The following CYTH3 variants were observed in gnomAD, a reference collection of about 807,000 sequenced individuals.
The protein encoded by CYTH3 is cytohesin-3.
Under a neutral mutation model 55.1 loss-of-function variants are expected in CYTH3, and 23 were observed. The observed-to-expected ratio is 0.42, with a 90% CI of 0.30 to 0.59. The LOEUF (loss-of-function observed/expected upper bound fraction) is 0.59, where lower values mean the gene tolerates loss of function less well. Among genes scored for constraint, CYTH3 ranks in the 20% least tolerant of loss-of-function variants. The probability of loss-of-function intolerance (pLI) is 0.20; values close to 1 mark genes in which losing one functional copy is unlikely to be tolerated. For missense variants in CYTH3, 413 were observed against 524.8 expected (o/e 0.79, Z 2.08); for synonymous variants, 249 against 194.9 (o/e 1.28, Z -2.31).
At chr7:6,174,650 C>T (rs1057474959) in intron 5 of CYTH3, among the ~76,000 whole-genome samples, 8 of 148,772 alleles carry the variant, frequency 5.4e-5, no homozygotes, top group African/African-American at 1.3e-4. Context: ...TGGGTTCAAG[C>T]GATACTCCTG....
At chr7:6,191,558 G>GTA (rs1783804693) in intron 1 of CYTH3, among the ~76,000 whole-genome samples, 2 of 146,624 alleles carry the variant, frequency 1.4e-5, no homozygotes, top group Non-Finnish European at 3.0e-5. Flanking sequence ...AAATACAGGA[G>GTA]AATTTTTTTT....
At chr7:6,177,696 GATGCCCACAGCCCGTGGCTCTATC>G (rs1783385307) in intron 5 of CYTH3, 103 bp downstream of exon 5, 4 of 711,900 alleles carry the variant, frequency 5.6e-6, no homozygotes, top group Non-Finnish European at 9.8e-6. Context: ...CGGGCATGTG[GATGCCCACAGCCCGTGGCTCTATC>G]ATGCCTTTAG....
intron 1 of CYTH3, among the ~76,000 whole-genome samples, chr7:6,193,402 T>C (rs539237638): frequency 2.1e-5 from 3 of 146,066 alleles, no homozygotes; most frequent in Admixed American, 6.8e-5. Context: ...AAAGGAGACA[T>C]CCACTAAAAC....
intron 1 of CYTH3, among the ~76,000 whole-genome samples, chr7:6,264,857 T>G (rs1465721826): frequency 2.6e-5 from 4 of 152,168 alleles, no homozygotes; most frequent in Admixed American, 2.6e-4. Flanking sequence ...AGAACTCACA[T>G]TGTAAGAGAA....
At chr7:6,222,821 TA>T (rs1370536470) in intron 1 of CYTH3, among the ~76,000 whole-genome samples, 4 of 151,850 alleles carry the variant, frequency 2.6e-5, no homozygotes, top group Admixed American at 2.0e-4. Context: ...TACATTATTA[TA>T]AAGTGTTCCA....
intron 1 of CYTH3, among the ~76,000 whole-genome samples, chr7:6,234,151 A>G (rs570119613): frequency 2.7e-4 from 41 of 152,330 alleles, no homozygotes; most frequent in African/African-American, 9.6e-4. Context: ...GAACTGATCA[A>G]CTATCCAGTA....
chr7:6,259,809 A>AT (rs1367094326), intron 1 of CYTH3, among the ~76,000 whole-genome samples: 8 of 26,278 alleles, frequency 3.0e-4, no homozygotes, highest in South Asian at 1.1e-3. Flanking sequence ...ATATATATAT[A>AT]TATAATATAT....
At chr7:6,265,428 T>C (rs982087575) in intron 1 of CYTH3, among the ~76,000 whole-genome samples, 2 of 151,242 alleles carry the variant, frequency 1.3e-5, no homozygotes, top group African/African-American at 2.4e-5. Context: ...CTGGCCAATA[T>C]GGTGAAACCC....
intron 1 of CYTH3, among the ~76,000 whole-genome samples, chr7:6,217,185 A>G (rs1417847591): frequency 6.6e-6 from 1 of 152,210 alleles, no homozygotes; most frequent in Non-Finnish European, 1.5e-5. Context: ...AAGTGCCAAG[A>G]TTACGGGCAT....
At chr7:6,179,735 C>A (rs1473587593) in intron 4 of CYTH3, among the ~76,000 whole-genome samples, 86 of 73,312 alleles carry the variant, frequency 1.2e-3, no homozygotes, top group African/African-American at 5.5e-3. Flanking sequence ...ACACACACAC[C>A]CACCACACAC....
At chr7:6,185,605 C>A (rs1442505661) in intron 4 of CYTH3, among the ~76,000 whole-genome samples, 1 of 151,404 alleles carries the variant, frequency 6.6e-6, no homozygotes, top group Non-Finnish European at 1.5e-5. Flanking sequence ...GAGGCTGAGG[C>A]AGGAGAATGG....
At chr7:6,177,699 G>T (rs754901402) in intron 5 of CYTH3, 124 bp downstream of exon 5, 4 of 716,704 alleles carry the variant, frequency 5.6e-6, no homozygotes, top group Non-Finnish European at 9.7e-6. Flanking sequence ...GCATGTGGAT[G>T]CCCACAGCCC....
At position 6,196,446 on chromosome 7, in the gene CYTH3, TTC is replaced by T. The variant is rs1230751766; in HGVS notation, c.35-5917_35-5916del. Among the ~76,000 whole-genome samples, 13 of 144,474 alleles carry T rather than the reference TTC, an allele frequency of 9.0e-5. No homozygotes were observed. The East Asian group carries it at 2.0e-3, about 23-fold the overall frequency. The allele number at this position is 144,474 out of a possible 152,430, so 94.8% of individuals were successfully genotyped here. A position where few individuals can be genotyped will look rare whatever the true frequency, so the allele number is the denominator to read the frequency against. On this transcript the variant is annotated intron_variant, in intron 1 of 12. Transcript: ENST00000350796. ...TTACGCATCTGAGGGAGCATCTTTT[TTC>T]TTTTTTTCTTTTTTTTTTTTTTTTT...
At chr7:6,201,839 G>A (rs922656347) in intron 1 of CYTH3, among the ~76,000 whole-genome samples, 4 of 152,014 alleles carry the variant, frequency 2.6e-5, no homozygotes, top group African/African-American at 9.7e-5. Flanking sequence ...AAGGAATGGA[G>A]CTCAAAATGC....
Position 6,190,493 on chromosome 7 carries a change from G to A in CYTH3, c.73C>T (p.Leu25=), listed in dbSNP as rs11978706. The A allele has an allele frequency of 1.3e-6, 2 of 1,505,894 alleles. No homozygotes were observed. The highest frequency in any genetic ancestry group is 1.8e-6 in the Non-Finnish European group (2 of 1,134,450). The allele number at this position is 1,505,894 out of a possible 1,614,324, so 93.3% of individuals were successfully genotyped here. A position where few individuals can be genotyped will look rare whatever the true frequency, so the allele number is the denominator to read the frequency against. Residue 25 remains leucine (L), a synonymous_variant, in exon 2 of 13, where the codon CTA becomes TTA. Coordinates refer to ENST00000350796, the MANE Select transcript of CYTH3 (RefSeq NM_004227.4). ...DLSLEEREEL[L]DIRRRKKELI... is the part of the protein sequence containing the mutation. ...TCCTTTTTTCTTCGACGAATGTCTA[G>A]AAGTTCTTCTCTCTCTTCTAATGAG...
At chr7:6,180,598 A>C (rs188928272) in intron 4 of CYTH3, among the ~76,000 whole-genome samples, 1 of 152,232 alleles carries the variant, frequency 6.6e-6, no homozygotes, top group Non-Finnish European at 1.5e-5. Flanking sequence ...GAACTGAGCG[A>C]GAATAGATTT....
intron 1 of CYTH3, among the ~76,000 whole-genome samples, chr7:6,240,532 T>C (rs1417207573): frequency 1.3e-5 from 2 of 152,112 alleles, no homozygotes; most frequent in African/African-American, 4.8e-5. Context: ...AACAGAATAG[T>C]AAATCCAGAA....
Position 6,252,246 on chromosome 7 carries a change from G to A in CYTH3, c.34+20228C>T, listed in dbSNP as rs978109164. ...ACAGATCCTTGCTATCTCTATACCA[G>A]CATGAACATGAACAGTATTTTGAAG... On this transcript the variant is annotated intron_variant, in intron 1 of 12. Transcript: ENST00000350796. Among the ~76,000 whole-genome samples the A allele has an allele frequency of 2.6e-5, 4 of 152,136 alleles. No homozygotes were observed. The East Asian group carries it at 5.8e-4, about 22-fold the overall frequency.
intron 1 of CYTH3, among the ~76,000 whole-genome samples, chr7:6,221,043 C>A (rs1167674697): frequency 6.6e-6 from 1 of 152,020 alleles, no homozygotes; most frequent in East Asian, 1.9e-4. Context: ...AGCAATATCA[C>A]CTGAGAAATT....
Sources: gnomAD v4.1 joint callset for allele counts (sites outside exome capture counted in the v4.1 genomes callset) on GRCh38, gnomAD v4.1.1 for gene constraint, MANE v1.5 for transcripts, NCBI Gene and HGNC (gene_info 2026-07-23, HGNC 2026-07-21) for gene names.